PTPRN2: variants seen among roughly 807,000 people sequenced by gnomAD.
PTPRN2 encodes protein tyrosine phosphatase receptor type N2.
PTPRN2 carries 74 observed loss-of-function variants against 118.8 expected under a neutral mutation model. The ratio of observed to expected loss-of-function variants is 0.62; its 90% CI spans 0.52 to 0.76. The LOEUF (loss-of-function observed/expected upper bound fraction) is 0.76. PTPRN2 is among the 30% of genes least tolerant of loss of function. The pLI is 0.00. For missense variants in PTPRN2, 1,481 were observed against 1,394.4 expected (o/e 1.06, Z -0.99); for synonymous variants, 641 against 608.0 (o/e 1.05, Z -0.80).
chr7:157,866,752 G>A (rs574676076), intron 12 of PTPRN2, among the ~76,000 whole-genome samples: 1 of 151,770 alleles, frequency 6.6e-6, no homozygotes, highest in Non-Finnish European at 1.5e-5. Context: ...CGAGATGCAC[G>A]GCCACCACCC....
At chr7:158,412,729 C>A in intron 2 of PTPRN2, among the ~76,000 whole-genome samples, 1 of 141,210 alleles carries the variant, frequency 7.1e-6, no homozygotes, top group Non-Finnish European at 1.5e-5. Context: ...CATCCAGCGC[C>A]CTCCTCAGCA....
intron 3 of PTPRN2, among the ~76,000 whole-genome samples, chr7:158,225,978 T>G (rs556787653): frequency 6.6e-6 from 1 of 152,140 alleles, no homozygotes; most frequent in South Asian, 2.1e-4. Flanking sequence ...GGTGCATCTG[T>G]GCACAGTGGG....
rs372276843 is a variant in PTPRN2 at position 157,918,890 on chromosome 7, C to T, written c.1724-20153G>A. Among the ~76,000 whole-genome samples, 34 of 152,348 alleles carry T rather than the reference C, an allele frequency of 2.2e-4. No individual in the cohort carries two copies. The East Asian group carries it at 5.6e-3, about 25-fold the overall frequency. ...CGGCCATCCTCCACCAGCCACGTTC[C>T]GGGGCTGCGCTTGGCACTTTAACTG... On this transcript the variant is annotated intron_variant, in intron 11 of 22. Coordinates refer to ENST00000389418, the MANE Select transcript of PTPRN2 (RefSeq NM_002847.5).
At chr7:158,432,201 C>T (rs1026310565) in intron 2 of PTPRN2, among the ~76,000 whole-genome samples, 13 of 152,154 alleles carry the variant, frequency 8.5e-5, no homozygotes, top group African/African-American at 1.9e-4. Flanking sequence ...GTCAGGGAGA[C>T]GTCACAGGTT....
intron 3 of PTPRN2, among the ~76,000 whole-genome samples, chr7:158,212,142 G>A (rs776809011): frequency 8.5e-5 from 13 of 152,108 alleles, no homozygotes; most frequent in African/African-American, 3.1e-4. Flanking sequence ...TGTTCTCACC[G>A]ATTTGTGGGA....
At chr7:158,340,392 A>C (rs1806457207) in intron 2 of PTPRN2, among the ~76,000 whole-genome samples, 1 of 46,000 alleles carries the variant, frequency 2.2e-5, no homozygotes, top group African/African-American at 9.5e-5. Flanking sequence ...CTCTCACCAT[A>C]AGAGCTGACA....
intron 11 of PTPRN2, among the ~76,000 whole-genome samples, chr7:158,051,796 AT>A (rs1242050423): frequency 2.9e-4 from 44 of 152,362 alleles, no homozygotes; most frequent in African/African-American, 1.0e-3. Flanking sequence ...GTAAATTTAC[AT>A]GTCAAAATAC....
At chr7:158,153,124 C>A (rs775899511) in intron 6 of PTPRN2, among the ~76,000 whole-genome samples, 1 of 152,172 alleles carries the variant, frequency 6.6e-6, no homozygotes, top group African/African-American at 2.4e-5. Context: ...CATCGACCAG[C>A]GGAACGATGC....
chr7:158,271,923 G>A (rs1213313143), intron 3 of PTPRN2, among the ~76,000 whole-genome samples: 1 of 79,378 alleles, frequency 1.3e-5, no homozygotes, highest in Non-Finnish European at 2.5e-5. Context: ...CTGGAGGCGT[G>A]GGGTAGGCGG....
chr7:158,476,407 G>A (rs778821413), intron 2 of PTPRN2, among the ~76,000 whole-genome samples: 1 of 152,380 alleles, frequency 6.6e-6, no homozygotes, highest in East Asian at 1.9e-4. Context: ...CAATGACGCC[G>A]ATGCGCACAG....
chr7:158,005,589 C>T (rs1000306541), intron 11 of PTPRN2, among the ~76,000 whole-genome samples: 1 of 152,184 alleles, frequency 6.6e-6, no homozygotes, highest in Non-Finnish European at 1.5e-5. Context: ...TTAGCTGCAG[C>T]GTTTTGCTGT....
At chr7:158,073,117 T>C (rs931463886) in intron 11 of PTPRN2, among the ~76,000 whole-genome samples, 10 of 152,110 alleles carry the variant, frequency 6.6e-5, no homozygotes, top group Non-Finnish European at 1.2e-4. Context: ...CTTTGCACTC[T>C]CCATCACCTT....
At chr7:158,479,272 CG>C (rs1820488624) in intron 2 of PTPRN2, among the ~76,000 whole-genome samples, 1 of 151,878 alleles carries the variant, frequency 6.6e-6, no homozygotes, top group Admixed American at 6.6e-5. Context: ...TTTCTGTGAG[CG>C]CTCAATACAA....
At chr7:158,311,816 G>A (rs1233580707) in intron 3 of PTPRN2, among the ~76,000 whole-genome samples, 1 of 152,132 alleles carries the variant, frequency 6.6e-6, no homozygotes, top group Non-Finnish European at 1.5e-5. Flanking sequence ...CTCACGTGTA[G>A]ACACCCACAC....
chr7:158,487,270 G>A (rs923782890), intron 2 of PTPRN2, among the ~76,000 whole-genome samples: 2 of 152,172 alleles, frequency 1.3e-5, no homozygotes, highest in Non-Finnish European at 1.5e-5. Flanking sequence ...TCTGCTTCCT[G>A]TGTTATGGGG....
intron 4 of PTPRN2, among the ~76,000 whole-genome samples, chr7:158,200,107 G>A (rs1826517720): frequency 6.6e-6 from 1 of 152,166 alleles, no homozygotes; most frequent in Non-Finnish European, 1.5e-5. Flanking sequence ...AGAGGAATCA[G>A]TCCCCTTGCT....
chr7:158,154,033 C>G (rs1821467253), intron 6 of PTPRN2, among the ~76,000 whole-genome samples: 1 of 152,156 alleles, frequency 6.6e-6, no homozygotes, highest in African/African-American at 2.4e-5. Flanking sequence ...GGTGTGGGGT[C>G]CGGGCTGGGC....
chr7:158,153,825 T>A (rs1421922187), intron 6 of PTPRN2, among the ~76,000 whole-genome samples: 2 of 151,464 alleles, frequency 1.3e-5, no homozygotes, highest in African/African-American at 4.9e-5. Flanking sequence ...TCTGGTCAGA[T>A]CTGGTTAGGG....
At chr7:157,703,399 G>A (rs1018169185) in intron 12 of PTPRN2, among the ~76,000 whole-genome samples, 13 of 152,194 alleles carry the variant, frequency 8.5e-5, no homozygotes, top group Admixed American at 5.2e-4. Context: ...TGCCGCTGCT[G>A]AGCTGAGAGG....
Sources: gnomAD v4.1 joint callset for allele counts (sites outside exome capture counted in the v4.1 genomes callset) on GRCh38, gnomAD v4.1.1 for gene constraint, MANE v1.5 for transcripts, NCBI Gene and HGNC (gene_info 2026-07-23, HGNC 2026-07-21) for gene names.